CRPPA: variants seen among roughly 807,000 people sequenced by gnomAD.
CRPPA encodes the protein CDP-L-ribitol pyrophosphorylase A.
CRPPA carries 43 observed loss-of-function variants against 52.0 expected under a neutral mutation model. That is an observed-to-expected ratio of 0.83 (90% CI 0.65 to 1.07). The LOEUF is 1.07. Ranked by LOEUF, CRPPA falls within the 50% of genes least tolerant of loss-of-function variation. The pLI is 0.00. For missense variants in CRPPA, 629 were observed against 551.7 expected (o/e 1.14, Z -1.40); for synonymous variants, 250 against 203.5 (o/e 1.23, Z -1.94).
At chr7:16,142,076 G>A (rs1481932562) in intron 9 of CRPPA, among the ~76,000 whole-genome samples, 5 of 152,036 alleles carry the variant, frequency 3.3e-5, no homozygotes, top group Admixed American at 1.3e-4. Context: ...AAATGGCATA[G>A]CTAGCTCCAC....
chr7:16,122,639 G>C (rs1782501055), intron 9 of CRPPA, among the ~76,000 whole-genome samples: 1 of 151,964 alleles, frequency 6.6e-6, no homozygotes, highest in African/African-American at 2.4e-5. Flanking sequence ...TTGGAAATAA[G>C]TCATCATGGC....
intron 9 of CRPPA, among the ~76,000 whole-genome samples, chr7:16,156,430 G>A (rs1230273242): frequency 6.6e-6 from 1 of 152,120 alleles, no homozygotes; most frequent in Non-Finnish European, 1.5e-5. Context: ...AATCTAAATA[G>A]GCTCCTAGTC....
At chr7:16,135,919 G>A (rs896260606) in intron 9 of CRPPA, among the ~76,000 whole-genome samples, 4 of 152,062 alleles carry the variant, frequency 2.6e-5, no homozygotes, top group Non-Finnish European at 4.4e-5. Context: ...CCTTTATTAT[G>A]TATTTATGTA....
chr7:16,399,422 CAA>C (rs1787729965), intron 2 of CRPPA, among the ~76,000 whole-genome samples: 2 of 151,200 alleles, frequency 1.3e-5, no homozygotes, highest in East Asian at 2.0e-4. Context: ...TGACATGTGA[CAA>C]GTGACAAGAT....
chr7:16,315,480 G>C (rs967734962), intron 3 of CRPPA, among the ~76,000 whole-genome samples: 1 of 152,126 alleles, frequency 6.6e-6, no homozygotes, highest in Non-Finnish European at 1.5e-5. Context: ...TCAGTTCTCT[G>C]CCTCTCCCCA....
At chr7:16,137,556 A>G (rs964562710) in intron 9 of CRPPA, among the ~76,000 whole-genome samples, 9 of 152,224 alleles carry the variant, frequency 5.9e-5, no homozygotes, top group African/African-American at 2.2e-4. Context: ...AAAATTAAAC[A>G]TTCAAAGGAG....
At chr7:16,320,453 A>T (rs79839021) in intron 3 of CRPPA, among the ~76,000 whole-genome samples, 2 of 152,176 alleles carry the variant, frequency 1.3e-5, no homozygotes, top group South Asian at 2.1e-4. Flanking sequence ...AACAAAAAAA[A>T]GTTAGAAACC....
At chr7:16,336,410 T>G (rs1359550052) in intron 3 of CRPPA, among the ~76,000 whole-genome samples, 1 of 152,038 alleles carries the variant, frequency 6.6e-6, no homozygotes, top group African/African-American at 2.4e-5. Flanking sequence ...AGGCAAGTTG[T>G]CACCTTAAAG....
chr7:16,184,522 A>G (rs1781469400), intron 9 of CRPPA, among the ~76,000 whole-genome samples: 1 of 152,196 alleles, frequency 6.6e-6, no homozygotes, highest in Non-Finnish European at 1.5e-5. Context: ...ATGAATAGAA[A>G]GTCATATTAT....
chr7:16,217,093 T>C (rs1294570299), intron 8 of CRPPA, among the ~76,000 whole-genome samples: 1 of 150,422 alleles, frequency 6.6e-6, no homozygotes, highest in African/African-American at 2.4e-5. Flanking sequence ...GCTGGAGATC[T>C]GAGAACGGGC....
At chr7:16,205,334 T>C (rs1358591022) in intron 9 of CRPPA, among the ~76,000 whole-genome samples, 1 of 152,180 alleles carries the variant, frequency 6.6e-6, no homozygotes, top group Non-Finnish European at 1.5e-5. Context: ...TGGCAAAGCC[T>C]GGTGTTCTCA....
rs987035616 is a variant in CRPPA, at chr7:16,125,208, C to T, written c.1252-33409G>A. Among the ~76,000 whole-genome samples the T allele has an allele frequency of 7.6e-5, 11 of 144,012 alleles. No individual in the cohort carries two copies. In the East Asian group the frequency reaches 8.5e-4, roughly 11 times the overall value. 94.5% of individuals were successfully genotyped at this position (144,012 alleles called of 152,430 possible). A position where few individuals can be genotyped will look rare whatever the true frequency, so the allele number is the denominator to read the frequency against. ...CTGGGAGGCAGAGGCTGCAGTGAGCCGAGATCATACCACTGCACTCCAGCC... is the reference window on the plus strand; with the variant it reads ...CTGGGAGGCAGAGGCTGCAGTGAGCTGAGATCATACCACTGCACTCCAGCC... On this transcript the variant is annotated intron_variant, in intron 9 of 9. Transcript: ENST00000407010.
At chr7:16,160,750 TGCGCAGTATGGCCATTTTCACG>T in intron 9 of CRPPA, among the ~76,000 whole-genome samples, 1 of 152,334 alleles carries the variant, frequency 6.6e-6, no homozygotes, top group South Asian at 2.1e-4. Context: ...TAAACTACTT[TGCGCAGTATGGCCATTTTCACG>T]ATATTGATTA....
intron 8 of CRPPA, chr7:16,216,408 G>A (rs1020118288): frequency 8.2e-6 from 3 of 366,392 alleles, no homozygotes; most frequent in Admixed American, 4.6e-5. Context: ...CAGAGAAAAC[G>A]AGGTTGAAAA....
intron 1 of CRPPA, among the ~76,000 whole-genome samples, chr7:16,417,159 T>C (rs1273562846): frequency 6.6e-6 from 1 of 152,032 alleles, no homozygotes; most frequent in Non-Finnish European, 1.5e-5. Context: ...CTAGCAAGGC[T>C]GCAGAGAAAA....
At chr7:16,373,552 T>C (rs2128311556) in intron 3 of CRPPA, among the ~76,000 whole-genome samples, 1 of 152,260 alleles carries the variant, frequency 6.6e-6, no homozygotes, top group East Asian at 1.9e-4. Context: ...CTTCAAGTAA[T>C]TATTCAATTG....
At chr7:16,199,417 T>A (rs1340013908) in intron 9 of CRPPA, among the ~76,000 whole-genome samples, 2 of 152,118 alleles carry the variant, frequency 1.3e-5, no homozygotes, top group South Asian at 2.1e-4. Flanking sequence ...AACCTTAATT[T>A]AAAAAAATCT....
chr7:16,246,419 G>C (rs1052322398), intron 8 of CRPPA, among the ~76,000 whole-genome samples: 1 of 152,072 alleles, frequency 6.6e-6, no homozygotes, highest in Non-Finnish European at 1.5e-5. Flanking sequence ...CATGAGGTTT[G>C]GATTATGACC....
intron 3 of CRPPA, among the ~76,000 whole-genome samples, chr7:16,322,842 G>A (rs575836158): frequency 6.6e-6 from 1 of 152,160 alleles, no homozygotes; most frequent in Non-Finnish European, 1.5e-5. Flanking sequence ...ATAAGGAAAA[G>A]ACGTTTAATT....
Sources: gnomAD v4.1 joint callset for allele counts (sites outside exome capture counted in the v4.1 genomes callset) on GRCh38, gnomAD v4.1.1 for gene constraint, MANE v1.5 for transcripts, NCBI Gene and HGNC (gene_info 2026-07-23, HGNC 2026-07-21) for gene names.